Variants in ADAMTSL1 observed in about 807,000 individuals in gnomAD.
ADAMTSL1 encodes ADAMTS like 1, also known as ADAMTS-like protein 1.
Under a neutral mutation model 201.8 loss-of-function variants are expected in ADAMTSL1, and 126 were observed. That is an observed-to-expected ratio of 0.62 (90% CI 0.54 to 0.72). The LOEUF (loss-of-function observed/expected upper bound fraction) is 0.72. Ranked by LOEUF, ADAMTSL1 falls within the 30% of genes least tolerant of loss-of-function variation. ADAMTSL1 has a pLI of 0.00. For missense variants in ADAMTSL1, 2,679 were observed against 2,277.8 expected (o/e 1.18, Z -3.59); for synonymous variants, 1,121 against 903.4 (o/e 1.24, Z -4.32).
intron 16 of ADAMTSL1, among the ~76,000 whole-genome samples, chr9:18,769,431 G>A (rs984292500): frequency 1.1e-4 from 16 of 152,334 alleles, no homozygotes; most frequent in Admixed American, 4.6e-4. Flanking sequence ...CAGAGTAGTC[G>A]TGGGTTGAAC....
At chr9:17,917,573 T>C (rs1291650573) in intron 1 of ADAMTSL1, among the ~76,000 whole-genome samples, 1 of 152,066 alleles carries the variant, frequency 6.6e-6, no homozygotes, top group African/African-American at 2.4e-5. Context: ...TTTTTATATA[T>C]TGTTGGATTC....
chr9:18,423,461 C>T (rs1296977319), intron 2 of ADAMTSL1, among the ~76,000 whole-genome samples: 1 of 152,198 alleles, frequency 6.6e-6, no homozygotes, highest in South Asian at 2.1e-4. Context: ...CATATGTACT[C>T]AGTCTCTTTC....
rs1818082714 is a variant in ADAMTSL1, at chr9:18,403,940, T to G, written c.208-100889T>G. 2.0e-5 allele frequency among the ~76,000 whole-genome samples: 3 copies of G among 152,156 alleles called. No individual in the cohort carries two copies. The South Asian group carries it at 6.2e-4, about 32-fold the overall frequency. Reference sequence around the variant, plus strand: ...AGGGGTTATAGTGATATGTGAGCCTTTTATGTAAAAATATACTTCCAAGAA... The same window carrying G: ...AGGGGTTATAGTGATATGTGAGCCTGTTATGTAAAAATATACTTCCAAGAA... On this transcript the variant is annotated intron_variant, in intron 2 of 29. Coordinates refer to the ADAMTSL1 transcript ENST00000680146.
At chr9:18,323,073 A>G (rs1005841436) in intron 2 of ADAMTSL1, among the ~76,000 whole-genome samples, 5 of 152,184 alleles carry the variant, frequency 3.3e-5, no homozygotes, top group Admixed American at 1.3e-4. Context: ...TCTGAGAAAA[A>G]AGCATGCTGC....
At chr9:18,346,375 A>G (rs1835717079) in intron 2 of ADAMTSL1, among the ~76,000 whole-genome samples, 1 of 152,140 alleles carries the variant, frequency 6.6e-6, no homozygotes, top group Admixed American at 6.5e-5. Flanking sequence ...GTATGGTAGC[A>G]AAAGAGCTCG....
At chr9:18,252,622 AT>A (rs1304864682) in intron 2 of ADAMTSL1, among the ~76,000 whole-genome samples, 9 of 152,034 alleles carry the variant, frequency 5.9e-5, no homozygotes, top group African/African-American at 9.6e-5. Context: ...TACAAATGCA[AT>A]TTTTTTTCAA....
At chr9:18,428,916 C>T (rs888413559) in intron 2 of ADAMTSL1, among the ~76,000 whole-genome samples, 1 of 152,200 alleles carries the variant, frequency 6.6e-6, no homozygotes, top group African/African-American at 2.4e-5. Context: ...TATTGCTGCT[C>T]CTCACTGAAA....
At chr9:18,015,266 GA>G (rs1487274674) in intron 1 of ADAMTSL1, among the ~76,000 whole-genome samples, 1 of 152,030 alleles carries the variant, frequency 6.6e-6, no homozygotes, top group Non-Finnish European at 1.5e-5. Context: ...TCTCTGCTGG[GA>G]GGGATCTAAC....
At chr9:18,692,630 T>G (rs1322949198) in intron 13 of ADAMTSL1, among the ~76,000 whole-genome samples, 1 of 152,202 alleles carries the variant, frequency 6.6e-6, no homozygotes, top group Non-Finnish European at 1.5e-5. Context: ...GCCAAACATG[T>G]TGAATTAAGG....
intron 1 of ADAMTSL1, among the ~76,000 whole-genome samples, chr9:17,980,329 T>A (rs1184712112): frequency 6.6e-6 from 1 of 152,116 alleles, no homozygotes; most frequent in Non-Finnish European, 1.5e-5. Flanking sequence ...CCCCACCACA[T>A]CTCTTTTTAT....
At chr9:18,623,012 C>A (rs34097794) in intron 5 of ADAMTSL1, among the ~76,000 whole-genome samples, 1 of 152,292 alleles carries the variant, frequency 6.6e-6, no homozygotes, top group South Asian at 2.1e-4. Context: ...TCTCTTGCCT[C>A]AACCTTGCAA....
At chr9:18,513,557 A>C (rs1420456357) in intron 2 of ADAMTSL1, among the ~76,000 whole-genome samples, 1 of 152,186 alleles carries the variant, frequency 6.6e-6, no homozygotes, top group Non-Finnish European at 1.5e-5. Flanking sequence ...TATAGCTGAG[A>C]GATCATTGCC....
chr9:18,774,758 T>C (rs548657032), intron 17 of ADAMTSL1, among the ~76,000 whole-genome samples: 2 of 152,308 alleles, frequency 1.3e-5, no homozygotes, highest in South Asian at 4.1e-4. Flanking sequence ...TGTATAGATA[T>C]GGCATATTTT....
intron 1 of ADAMTSL1, among the ~76,000 whole-genome samples, chr9:18,038,993 T>C (rs1821322720): frequency 6.6e-6 from 1 of 152,192 alleles, no homozygotes; most frequent in African/African-American, 2.4e-5. Flanking sequence ...CTTCTCTTCA[T>C]AGGATTAATA....
chr9:18,874,805 C>G (rs908243873), intron 23 of ADAMTSL1, among the ~76,000 whole-genome samples: 2 of 151,754 alleles, frequency 1.3e-5, no homozygotes, highest in Non-Finnish European at 2.9e-5. Flanking sequence ...AGGACTCCCT[C>G]TTCTCTTTTT....
At chr9:18,110,001 C>A (rs1406954258) in intron 1 of ADAMTSL1, among the ~76,000 whole-genome samples, 1 of 152,178 alleles carries the variant, frequency 6.6e-6, no homozygotes, top group African/African-American at 2.4e-5. Context: ...GAAAGAGGAA[C>A]ACAGGCAAGT....
chr9:17,912,189 T>G (rs79729412), intron 1 of ADAMTSL1, among the ~76,000 whole-genome samples: 2 of 58,688 alleles, frequency 3.4e-5, no homozygotes, highest in African/African-American at 6.5e-5. Flanking sequence ...ATAGTCCTTT[T>G]GATATATACC....
intron 22 of ADAMTSL1, among the ~76,000 whole-genome samples, chr9:18,829,207 G>A (rs1291616013): frequency 6.6e-6 from 1 of 152,182 alleles, no homozygotes; most frequent in Non-Finnish European, 1.5e-5. Context: ...GATGACTTCA[G>A]CGCTGATTCC....
intron 9 of ADAMTSL1, among the ~76,000 whole-genome samples, chr9:18,668,491 G>C (rs1482282457): frequency 6.6e-6 from 1 of 152,056 alleles, no homozygotes; most frequent in Non-Finnish European, 1.5e-5. Context: ...GTAATTATTT[G>C]TGTAATTCTT....
Sources: gnomAD v4.1 joint callset for allele counts (sites outside exome capture counted in the v4.1 genomes callset) on GRCh38, gnomAD v4.1.1 for gene constraint, MANE v1.5 for transcripts, NCBI Gene and HGNC (gene_info 2026-07-23, HGNC 2026-07-21) for gene names.